PTPN9: variants seen among roughly 807,000 people sequenced by gnomAD.
The protein encoded by PTPN9 is tyrosine-protein phosphatase non-receptor type 9.
In PTPN9, 26 loss-of-function variants were observed where a neutral mutation model predicts 69.8. That is an observed-to-expected ratio of 0.37 (90% CI 0.27 to 0.52). The LOEUF (loss-of-function observed/expected upper bound fraction) is 0.52, where lower values mean the gene tolerates loss of function less well. Ranked by LOEUF, PTPN9 falls within the 20% of genes least tolerant of loss-of-function variation. PTPN9 has a pLI of 0.91. For missense variants in PTPN9, 549 were observed against 740.3 expected, an observed-to-expected ratio of 0.74 and a Z score of 3.00; for synonymous variants, 274 against 272.5, an observed-to-expected ratio of 1.01 and a Z score of -0.05.
intron 8 of PTPN9, among the ~76,000 whole-genome samples, chr15:75,488,343 GTTTT>G (rs928731912): frequency 6.9e-6 from 1 of 144,310 alleles, no homozygotes; most frequent in East Asian, 2.0e-4. Flanking sequence ...TCAATGCTGG[GTTTT>G]TTTTTTTTAT....
intron 1 of PTPN9, among the ~76,000 whole-genome samples, chr15:75,535,437 A>T (rs2074978851): frequency 6.6e-6 from 1 of 152,186 alleles, no homozygotes; most frequent in African/African-American, 2.4e-5. Context: ...GCAGCTCCAG[A>T]GATTAACAAT....
In PTPN9 at chr15:75,525,570, A is replaced by G. The variant is rs192795084; in HGVS notation, c.208-1272T>C. ...CCGGAGACATTCTCTACCTTTATAT[A>G]CCGATAACAAAAAAATATTATCTTG... On this transcript the variant is annotated intron_variant, in intron 2 of 12. Coordinates refer to ENST00000618819, the MANE Select transcript of PTPN9 (RefSeq NM_002833.4). Among the ~76,000 whole-genome samples the G allele has an allele frequency of 1.3e-3, 203 of 151,374 alleles. 1 individual carries two copies. The highest frequency in any genetic ancestry group is 4.8e-3 in the African/African-American group (196 of 41,258).
intron 1 of PTPN9, among the ~76,000 whole-genome samples, chr15:75,546,784 C>T (rs1271017283): frequency 1.3e-5 from 2 of 152,030 alleles, no homozygotes; most frequent in Admixed American, 6.6e-5. Context: ...AGAACGACTA[C>T]ACTGGACATT....
intron 8 of PTPN9, among the ~76,000 whole-genome samples, chr15:75,485,049 T>C (rs907098903): frequency 6.6e-6 from 1 of 152,168 alleles, no homozygotes; most frequent in African/African-American, 2.4e-5. Context: ...GCAGCTAGTA[T>C]TGACCTCATA....
intron 1 of PTPN9, among the ~76,000 whole-genome samples, chr15:75,564,594 C>CA (rs201990920): frequency 0.26 from 26,520 of 102,464 alleles, 2,954 homozygotes; most frequent in Non-Finnish European, 0.32. Flanking sequence ...GACTACGTCT[C>CA]AAAAAAAAAA....
intron 5 of PTPN9, among the ~76,000 whole-genome samples, chr15:75,510,404 A>C (rs1011280594): frequency 2.6e-5 from 4 of 151,980 alleles, no homozygotes; most frequent in African/African-American, 9.7e-5. Context: ...CACTTGGCTA[A>C]TTTTTGTATT....
intron 1 of PTPN9, among the ~76,000 whole-genome samples, chr15:75,535,141 C>T (rs1430400012): frequency 2.0e-5 from 3 of 151,644 alleles, no homozygotes; most frequent in African/African-American, 4.8e-5. Flanking sequence ...GGACTACAGG[C>T]GGCCGCCACC....
chr15:75,494,155 T>A (rs1017202100), intron 7 of PTPN9, among the ~76,000 whole-genome samples: 1 of 141,004 alleles, frequency 7.1e-6, no homozygotes, highest in South Asian at 2.2e-4. Context: ...TATATATATA[T>A]AAAATCTATA....
chr15:75,533,522 A>C (rs2074971640), intron 1 of PTPN9, among the ~76,000 whole-genome samples: 1 of 152,118 alleles, frequency 6.6e-6, no homozygotes, highest in Admixed American at 6.6e-5. Context: ...CAGCCTCCCA[A>C]AGTGCTGGAA....
intron 4 of PTPN9, among the ~76,000 whole-genome samples, chr15:75,519,408 A>G (rs1245096420): frequency 1.3e-5 from 2 of 149,562 alleles, no homozygotes; most frequent in East Asian, 4.1e-4. Context: ...CCCAGCCTCA[A>G]AGTTATTTTG....
At chr15:75,487,269 C>T (rs374021511) in intron 8 of PTPN9, 2 of 150,796 alleles carry the variant, frequency 1.3e-5, no homozygotes, top group Admixed American at 1.3e-4. Context: ...GTGTTAAGTC[C>T]CCAAAGCTAA....
chr15:75,495,203 A>G (rs528704857), intron 7 of PTPN9, among the ~76,000 whole-genome samples: 5 of 152,280 alleles, frequency 3.3e-5, no homozygotes, highest in African/African-American at 1.2e-4. Flanking sequence ...ACAATTAGGA[A>G]ACAAGATCCA....
rs549707062 is a variant in PTPN9 at position 75,573,354 on chromosome 15, C to T, written c.63+5360G>A. ...GTTACGATTGTTATTCATATAAGCT[C>T]CTTAAAAGCAAAAACATCATATTTG... On this transcript the variant is annotated intron_variant, in intron 1 of 12. Transcript: ENST00000618819. Among the ~76,000 whole-genome samples the T allele has an allele frequency of 7.9e-5, 12 of 152,238 alleles. No individual in the cohort carries two copies. In the South Asian group the frequency reaches 2.5e-3, roughly 32 times the overall value.
chr15:75,465,069 G>T lies in PTPN9; in HGVS notation c.*3700C>A, dbSNP rs1219848465. ...AAGCAGAAGCCTGCTTTAGCTCAGT[G>T]TTTTCTTCTTTCCTGAACACTGTCT... On this transcript the variant is annotated 3_prime_UTR_variant, in exon 13 of 13. Transcript: ENST00000618819. 1 of 152,088 alleles carries T rather than the reference G, an allele frequency of 6.6e-6. No individual in the cohort carries two copies. The highest frequency in any genetic ancestry group is 1.5e-5 in the Non-Finnish European group (1 of 67,988). 9.4% of individuals were successfully genotyped at this position (152,088 alleles called of 1,614,324 possible). A position where few individuals can be genotyped will look rare whatever the true frequency, so the allele number is the denominator to read the frequency against.
chr15:75,476,273 CAA>C (rs1234676130), intron 9 of PTPN9, among the ~76,000 whole-genome samples: 4 of 152,128 alleles, frequency 2.6e-5, no homozygotes, highest in Non-Finnish European at 2.9e-5. Context: ...TTAAATGAAA[CAA>C]GAGATAGTAT....
intron 1 of PTPN9, among the ~76,000 whole-genome samples, chr15:75,562,494 C>A (rs773070291): frequency 1.3e-5 from 2 of 152,064 alleles, no homozygotes; most frequent in African/African-American, 4.8e-5. Context: ...TGAGTCTCAG[C>A]GCTTCTACTG....
intron 1 of PTPN9, among the ~76,000 whole-genome samples, chr15:75,536,397 C>A (rs2074982485): frequency 6.6e-6 from 1 of 152,132 alleles, no homozygotes; most frequent in Non-Finnish European, 1.5e-5. Flanking sequence ...ATAAATACAT[C>A]TTTACCACAT....
intron 2 of PTPN9, among the ~76,000 whole-genome samples, chr15:75,525,924 C>CAAA (rs1041347599): frequency 6.9e-6 from 1 of 144,458 alleles, no homozygotes; most frequent in Non-Finnish European, 1.5e-5. Flanking sequence ...GACTCTGTCT[C>CAAA]AAAAAAAAAA....
At chr15:75,543,197 GC>G (rs1406807048) in intron 1 of PTPN9, among the ~76,000 whole-genome samples, 1 of 151,738 alleles carries the variant, frequency 6.6e-6, no homozygotes, top group Non-Finnish European at 1.5e-5. Context: ...TTTTATGGCT[GC>G]CCTTCATTTT....
Sources: gnomAD v4.1 joint callset for allele counts (sites outside exome capture counted in the v4.1 genomes callset) on GRCh38, gnomAD v4.1.1 for gene constraint, MANE v1.5 for transcripts, NCBI Gene and HGNC (gene_info 2026-07-23, HGNC 2026-07-21) for gene names.